The following TCF4 variants were observed in gnomAD, a reference collection of about 807,000 sequenced individuals.
TCF4 encodes the protein transcription factor 4.
TCF4 carries 3 observed loss-of-function variants against 82.1 expected under a neutral mutation model. The observed-to-expected ratio is 0.04, with a 90% confidence interval of 0.02 to 0.09. TCF4 has a LOEUF of 0.09. Ranked by LOEUF, TCF4 falls within the 10% of genes least tolerant of loss-of-function variation. The pLI is 1.00. For synonymous variants in TCF4, 276 were observed against 309.6 expected (o/e 0.89, Z 1.14); for missense variants, 518 against 852.7 (o/e 0.61, Z 4.89).
At chr18:55,279,740 A>G in intron 8 of TCF4, 84 bp from the exon 9 acceptor site, 4 of 1,591,724 alleles carry the variant, frequency 2.5e-6, no homozygotes, top group Non-Finnish European at 3.4e-6. Flanking sequence ...AAGTAGGCAG[A>G]AAGTGCTACA....
chr18:55,547,712 C>T (rs894518065), intron 3 of TCF4, among the ~76,000 whole-genome samples: 9 of 152,110 alleles, frequency 5.9e-5, no homozygotes, highest in Non-Finnish European at 8.8e-5. Flanking sequence ...AAACTTTTGC[C>T]CTGGGAAATT....
intron 8 of TCF4, among the ~76,000 whole-genome samples, chr18:55,327,650 A>G (rs1049833778): frequency 3.9e-5 from 6 of 152,126 alleles, no homozygotes; most frequent in Admixed American, 2.6e-4. Context: ...TATTGATTAT[A>G]AAGTAATTCA....
At chr18:55,402,121 C>T (rs1406005773) in intron 6 of TCF4, 1 of 985,344 alleles carries the variant, frequency 1.0e-6, no homozygotes, top group Non-Finnish European at 1.2e-6. Context: ...TCTTTCCAAA[C>T]AAACTGCCAT....
rs1568500448 is a variant in TCF4 at position 55,621,532 on chromosome 18, T to TGTACATTATATATAATATTATATA, written c.286+9765_286+9766insTATATAATATTATATATAATGTAC. On this transcript the variant is annotated intron_variant, in intron 2 of 20. Transcript: ENST00000398339. ...ATATATATTATATAATATTATATAA[T>TGTACATTATATATAATATTATATA]ATATATATTATATTATATATTATGT... 2.1e-4 allele frequency among the ~76,000 whole-genome samples: 7 copies of TGTACATTATATATAATATTATATA among 32,878 alleles called. 1 individual carries two copies. The Admixed American group carries it at 2.4e-3, about 11-fold the overall frequency. The allele number at this position is 32,878 out of a possible 152,430, so 21.6% of individuals were successfully genotyped here.
At chr18:55,488,597 G>A (rs1400184722) in intron 3 of TCF4, among the ~76,000 whole-genome samples, 2 of 152,144 alleles carry the variant, frequency 1.3e-5, no homozygotes, top group Non-Finnish European at 2.9e-5. Context: ...CACAGGGCAG[G>A]GAGCCTGATG....
At chr18:55,274,680 T>C (rs2061109500) in intron 10 of TCF4, among the ~76,000 whole-genome samples, 1 of 152,222 alleles carries the variant, frequency 6.6e-6, no homozygotes, top group African/African-American at 2.4e-5. Flanking sequence ...CTGGGATCAC[T>C]GGATTTCCCA....
chr18:55,464,392 A>G (rs187005164), intron 3 of TCF4, among the ~76,000 whole-genome samples: 71 of 152,326 alleles, frequency 4.7e-4, no homozygotes, highest in Admixed American at 2.7e-3. Flanking sequence ...ACAGTGTTTG[A>G]TAGCCTCAGT....
intron 3 of TCF4, among the ~76,000 whole-genome samples, chr18:55,571,407 G>A (rs1003347479): frequency 2.0e-5 from 3 of 152,120 alleles, no homozygotes; most frequent in African/African-American, 4.8e-5. Flanking sequence ...GCATGAGAAT[G>A]TTTCTCTCTG....
chr18:55,428,888 T>C (rs2095085326), intron 5 of TCF4, among the ~76,000 whole-genome samples: 1 of 152,086 alleles, frequency 6.6e-6, no homozygotes, highest in African/African-American at 2.4e-5. Context: ...GAGATTTTGG[T>C]GAACTGATGA....
chr18:55,628,401 T>C (rs1222832574), intron 2 of TCF4, among the ~76,000 whole-genome samples: 1 of 152,154 alleles, frequency 6.6e-6, no homozygotes, highest in East Asian at 1.9e-4. Flanking sequence ...CAGGCTGAAT[T>C]TGACAGAATT....
intron 8 of TCF4, 65 bp from the exon 9 acceptor site, chr18:55,279,721 TTA>T: frequency 1.2e-6 from 2 of 1,607,570 alleles, no homozygotes; most frequent in Non-Finnish European, 1.7e-6. Flanking sequence ...AGCTCCATTC[TTA>T]TATAAGAAGT....
intron 6 of TCF4, among the ~76,000 whole-genome samples, chr18:55,391,955 CTTTTTTT>C (rs1212656712): frequency 9.7e-5 from 6 of 61,706 alleles, no homozygotes; most frequent in Non-Finnish European, 1.4e-4. Context: ...AAAAAAAAAT[CTTTTTTT>C]TTTTTTTTTT....
chr18:55,344,075 G>T (rs765572834), intron 8 of TCF4, among the ~76,000 whole-genome samples: 5 of 152,256 alleles, frequency 3.3e-5, no homozygotes, highest in South Asian at 2.1e-4. Context: ...TTCTTGAAGA[G>T]ACTCCTTATT....
At chr18:55,512,308 G>C (rs532951097) in intron 3 of TCF4, among the ~76,000 whole-genome samples, 2 of 152,080 alleles carry the variant, frequency 1.3e-5, no homozygotes, top group South Asian at 4.1e-4. Flanking sequence ...GGAATATTAC[G>C]CTGCCTTTAA....
At chr18:55,307,364 C>T (rs2070719724) in intron 8 of TCF4, among the ~76,000 whole-genome samples, 1 of 152,126 alleles carries the variant, frequency 6.6e-6, no homozygotes, top group Non-Finnish European at 1.5e-5. Context: ...GGTACGCTGG[C>T]TTCTATTTTA....
At chr18:55,625,277 C>T (rs1431090451) in intron 2 of TCF4, among the ~76,000 whole-genome samples, 19 of 145,722 alleles carry the variant, frequency 1.3e-4, no homozygotes, top group Non-Finnish European at 6.0e-5. Context: ...CTTGCTTTGT[C>T]GCCCAGGCTG....
chr18:55,634,245 G>T (rs1468741539), intron 1 of TCF4, among the ~76,000 whole-genome samples: 3 of 151,810 alleles, frequency 2.0e-5, no homozygotes, highest in Non-Finnish European at 2.9e-5. Flanking sequence ...CTCCAGCCTG[G>T]GGCAACAGAG....
At position 55,608,367 on chromosome 18, in the gene TCF4, G is replaced by A. The variant is rs1021119368; in HGVS notation, c.287-21231C>T. On this transcript the variant is annotated intron_variant, in intron 2 of 20. Coordinates refer to the TCF4 transcript ENST00000398339. ...TAGACCGATCTAGCATCTTGCCACA[G>A]TATTTTTTTTTTTTTTTTTTTTTGC... is the stretch of plus-strand genomic sequence containing the variant. Among the ~76,000 whole-genome samples the A allele has an allele frequency of 7.3e-5, 7 of 95,690 alleles. No homozygotes were observed. The Admixed American group carries it at 8.0e-4, about 11-fold the overall frequency. The allele number at this position is 95,690 out of a possible 152,430, so 62.8% of individuals were successfully genotyped here. A position where few individuals can be genotyped will look rare whatever the true frequency, so the allele number is the denominator to read the frequency against.
intron 3 of TCF4, among the ~76,000 whole-genome samples, chr18:55,540,092 A>G (rs2097152764): frequency 6.6e-6 from 1 of 152,114 alleles, no homozygotes; most frequent in Non-Finnish European, 1.5e-5. Context: ...TAGACATAAT[A>G]TAGAATGAGA....
Sources: gnomAD v4.1 joint callset for allele counts (sites outside exome capture counted in the v4.1 genomes callset) on GRCh38, gnomAD v4.1.1 for gene constraint, MANE v1.5 for transcripts, NCBI Gene and HGNC (gene_info 2026-07-23, HGNC 2026-07-21) for gene names.